The following PLSCR2 variants were observed in gnomAD, a reference collection of about 807,000 sequenced individuals.
PLSCR2 encodes PL scramblase 2.
A neutral mutation model predicts 25.3 loss-of-function variants in PLSCR2; 18 were observed. That is an observed-to-expected ratio of 0.71 (90% CI 0.49 to 1.06). PLSCR2 has a LOEUF of 1.06. PLSCR2 is among the 50% of genes least tolerant of loss of function. The probability of loss-of-function intolerance (pLI) is 0.00; values close to 1 mark genes in which losing one functional copy is unlikely to be tolerated. For synonymous variants in PLSCR2, 88 were observed against 87.3 expected (o/e 1.01, Z -0.04); for missense variants, 243 against 269.5 (o/e 0.90, Z 0.69).
intron 2 of PLSCR2, among the ~76,000 whole-genome samples, chr3:146,416,341 T>C (rs1465753208): frequency 1.4e-4 from 22 of 152,144 alleles, no homozygotes; most frequent in Non-Finnish European, 3.1e-4. Context: ...TTACTATCTC[T>C]ATCAAAAATA....
chr3:146,406,698 G>A (rs1399489613), intron 2 of PLSCR2, among the ~76,000 whole-genome samples: 1 of 152,194 alleles, frequency 6.6e-6, no homozygotes, highest in Non-Finnish European at 1.5e-5. Context: ...TGGACTTTTT[G>A]ATGCAGGAGT....
intron 5 of PLSCR2, among the ~76,000 whole-genome samples, chr3:146,452,744 C>T (rs2040973738): frequency 1.3e-5 from 2 of 151,918 alleles, no homozygotes; most frequent in Non-Finnish European, 2.9e-5. Context: ...AAATTATATT[C>T]CAATTAGACT....
exon 4 of PLSCR2, chr3:146,455,408 C>T: frequency 6.2e-7 from 1 of 1,613,548 alleles, no homozygotes; most frequent in Non-Finnish European, 8.5e-7. Flanking sequence ...AATCCTCTGC[C>T]CAAAGCTGTT....
chr3:146,431,810 C>T (rs1022573629), downstream of PLSCR2, among the ~76,000 whole-genome samples: 3 of 150,478 alleles, frequency 2.0e-5, no homozygotes, highest in Non-Finnish European at 2.9e-5. Flanking sequence ...ACTGCGTAAA[C>T]ACAATTCACA....
At chr3:146,432,088 G>A (rs2039567735), downstream of PLSCR2, among the ~76,000 whole-genome samples, 1 of 151,806 alleles carries the variant, frequency 6.6e-6, no homozygotes, top group South Asian at 2.1e-4. Context: ...ATAATTTGAG[G>A]GAAAATAAAT....
chr3:146,425,682 C>T (rs2039319083), intron 2 of PLSCR2, among the ~76,000 whole-genome samples: 1 of 151,968 alleles, frequency 6.6e-6, no homozygotes, highest in Non-Finnish European at 1.5e-5. Flanking sequence ...AATGACTCTG[C>T]TAGTCAGTAC....
downstream of PLSCR2, among the ~76,000 whole-genome samples, chr3:146,431,038 G>C (rs976541011): frequency 3.3e-5 from 5 of 152,182 alleles, no homozygotes; most frequent in Admixed American, 6.5e-5. Flanking sequence ...TCTCCTGGGT[G>C]TTAGGCCCTC....
rs556640388 is a variant in PLSCR2 at position 146,406,569 on chromosome 3, C to CA, written c.101-10649dup. On this transcript the variant is annotated intron_variant and NMD_transcript_variant, in intron 2 of 3. Coordinates refer to the PLSCR2 transcript ENST00000463633. ...AGGAAGGCGCAGAGGACATAACAGG[C>CA]AAAAACAAACAAGTGAGGTAGATAA... is the stretch of plus-strand genomic sequence containing the variant. Among the ~76,000 whole-genome samples the CA allele has an allele frequency of 2.2e-3, 332 of 152,168 alleles. 1 individual carries two copies. The highest frequency in any genetic ancestry group is 7.6e-3 in the African/African-American group (316 of 41,508).
chr3:146,414,925 T>A (rs2038962193), intron 2 of PLSCR2, among the ~76,000 whole-genome samples: 1 of 152,206 alleles, frequency 6.6e-6, no homozygotes, highest in Non-Finnish European at 1.5e-5. Flanking sequence ...CTGCAGCCAG[T>A]ATTTTTTCCT....
At chr3:146,408,638 C>A (rs2038736542) in intron 2 of PLSCR2, among the ~76,000 whole-genome samples, 1 of 152,036 alleles carries the variant, frequency 6.6e-6, no homozygotes, top group South Asian at 2.1e-4. Flanking sequence ...CTGGGGCTTC[C>A]TGAGCCACAA....
At chr3:146,469,533 C>T in intron 1 of PLSCR2, 1 of 985,422 alleles carries the variant, frequency 1.0e-6, no homozygotes, top group African/African-American at 1.7e-5. Flanking sequence ...CTGAGCGAGC[C>T]GAGGTCCTAG....
upstream of PLSCR2, chr3:146,462,025 T>C: frequency 1.5e-6 from 1 of 665,474 alleles, no homozygotes; most frequent in Non-Finnish European, 2.4e-6. Flanking sequence ...ATTAAACACT[T>C]AGTAAATTAC....
At chr3:146,392,850 C>CTT (rs66802856) in intron 3 of PLSCR2, among the ~76,000 whole-genome samples, 3,873 of 141,186 alleles carry the variant, frequency 0.027, 153 homozygotes, top group Admixed American at 0.078. Context: ...TGGGTTTATT[C>CTT]TTTTTTTTTT....
intron 2 of PLSCR2, among the ~76,000 whole-genome samples, chr3:146,415,908 A>G (rs1052550829): frequency 3.9e-5 from 6 of 152,146 alleles, no homozygotes; most frequent in Non-Finnish European, 8.8e-5. Context: ...TATTCTCAAA[A>G]TACAATTTCC....
At chr3:146,393,744 G>C (rs2038175121) in intron 3 of PLSCR2, among the ~76,000 whole-genome samples, 1 of 147,788 alleles carries the variant, frequency 6.8e-6, no homozygotes, top group Admixed American at 7.0e-5. Flanking sequence ...GGGAGGCAGA[G>C]GTTGCAGTGA....
At chr3:146,403,620 G>A (rs1202955801) in intron 2 of PLSCR2, among the ~76,000 whole-genome samples, 1 of 151,972 alleles carries the variant, frequency 6.6e-6, no homozygotes, top group Non-Finnish European at 1.5e-5. Flanking sequence ...TCCACAATTA[G>A]TTTTTACCTG....
chr3:146,463,758 A>C, upstream of PLSCR2: 1 of 489,418 alleles, frequency 2.0e-6, no homozygotes, highest in Non-Finnish European at 2.7e-6. Context: ...TGCAATCCTA[A>C]GTGGTAAATA....
At chr3:146,418,947 A>T (rs897379453) in intron 2 of PLSCR2, among the ~76,000 whole-genome samples, 1 of 152,154 alleles carries the variant, frequency 6.6e-6, no homozygotes, top group African/African-American at 2.4e-5. Context: ...CAGAAGCATT[A>T]GCAAAAGGTT....
At chr3:146,431,222 A>G (rs1337730374), downstream of PLSCR2, among the ~76,000 whole-genome samples, 1 of 152,170 alleles carries the variant, frequency 6.6e-6, no homozygotes, top group African/African-American at 2.4e-5. Context: ...GTTTCCCCTC[A>G]CTAAGCCACT....
Sources: gnomAD v4.1 joint callset for allele counts (sites outside exome capture counted in the v4.1 genomes callset) on GRCh38, gnomAD v4.1.1 for gene constraint, MANE v1.5 for transcripts, NCBI Gene and HGNC (gene_info 2026-07-23, HGNC 2026-07-21) for gene names.